The following COL12A1 variants were observed in gnomAD, a reference collection of about 807,000 sequenced individuals.
The protein encoded by COL12A1 is collagen type XII alpha 1 chain, also known as collagen alpha-1(XII) chain.
A neutral mutation model predicts 349.7 loss-of-function variants in COL12A1; 114 were observed. That is an observed-to-expected ratio of 0.33 (90% CI 0.28 to 0.38). COL12A1 has a LOEUF of 0.38. Among genes scored for constraint, COL12A1 ranks in the 10% least tolerant of loss-of-function variants. COL12A1 has a pLI of 1.00. For synonymous variants in COL12A1, 1,369 were observed against 1,329.0 expected (o/e 1.03, Z -0.66); for missense variants, 3,284 against 3,756.9 (o/e 0.87, Z 3.29).
chr6:75,165,854 G>A, intron 13 of COL12A1, 75 bp from the exon 14 acceptor site: 2 of 1,414,388 alleles, frequency 1.4e-6, no homozygotes, highest in Non-Finnish European at 1.9e-6. Flanking sequence ...CATTGATCCT[G>A]GTAGAGATTC....
intron 50 of COL12A1, 119 bp from the exon 51 acceptor site, chr6:75,113,432 T>C (rs1429655053): frequency 2.1e-6 from 2 of 939,088 alleles, no homozygotes; most frequent in Non-Finnish European, 3.0e-6. Flanking sequence ...TCAGTTATGA[T>C]AAAATGCAAT....
chr6:75,181,364 C>T (rs1054423930), intron 10 of COL12A1, among the ~76,000 whole-genome samples, 153 bp from the exon 11 acceptor site: 2 of 152,114 alleles, frequency 1.3e-5, no homozygotes, highest in African/African-American at 4.8e-5. Flanking sequence ...TACATTTGAC[C>T]ATTGAGAGAA....
chr6:75,162,446 T>C (rs1450911010), intron 14 of COL12A1, among the ~76,000 whole-genome samples: 3 of 152,218 alleles, frequency 2.0e-5, no homozygotes, highest in African/African-American at 7.2e-5. Context: ...TTGGGAAAAC[T>C]GGCTAGCCAT....
intron 54 of COL12A1, among the ~76,000 whole-genome samples, chr6:75,104,678 C>G (rs77273819): frequency 8.4e-4 from 128 of 152,316 alleles, no homozygotes; most frequent in Non-Finnish European, 1.5e-3. Context: ...TCCCTCCCAA[C>G]CAATGCATAA....
intron 38 of COL12A1, among the ~76,000 whole-genome samples, chr6:75,127,783 G>A (rs188194155): frequency 6.6e-6 from 1 of 152,108 alleles, no homozygotes; most frequent in African/African-American, 2.4e-5. Context: ...GTAAAAATGG[G>A]TCTGAACATT....
At chr6:75,116,981 A>G (rs1191033916) in intron 47 of COL12A1, among the ~76,000 whole-genome samples, 10 of 152,250 alleles carry the variant, frequency 6.6e-5, no homozygotes, top group East Asian at 3.9e-4. Context: ...CTGAGGAACC[A>G]TTTTTCTTCA....
chr6:75,101,503 ACCAG>A (rs1313245197), intron 58 of COL12A1, 93 bp downstream of exon 58: 3 of 1,187,472 alleles, frequency 2.5e-6, no homozygotes, highest in Middle Eastern at 4.0e-4. Context: ...AAGATATATT[ACCAG>A]CCTTGCAAAC....
At position 75,123,318 on chromosome 6, in the gene COL12A1, A is replaced by C. The variant is rs1350228086; in HGVS notation, c.6946+12T>G. 4 of 1,606,028 alleles carry C rather than the reference A, an allele frequency of 2.5e-6. No individual in the cohort carries two copies. The highest frequency in any genetic ancestry group is 1.7e-6 in the Non-Finnish European group (2 of 1,175,492). On this transcript the variant is annotated intron_variant, in intron 43 of 65. Coordinates refer to ENST00000322507, the MANE Select transcript of COL12A1 (RefSeq NM_004370.6). ...TATCAGCTGAACGTATTGCCTATTTAGCTGTACTTACCATCCCGGGCTGGT... is the reference window on the plus strand; with the variant it reads ...TATCAGCTGAACGTATTGCCTATTTCGCTGTACTTACCATCCCGGGCTGGT...
At chr6:75,186,760 A>G (rs1369254331) in intron 8 of COL12A1, among the ~76,000 whole-genome samples, 1 of 152,218 alleles carries the variant, frequency 6.6e-6, no homozygotes, top group Non-Finnish European at 1.5e-5. Context: ...AATGTGGTAC[A>G]TATATACCAT....
At chr6:75,140,847 A>G (rs1159523387) in intron 27 of COL12A1, among the ~76,000 whole-genome samples, 1 of 152,040 alleles carries the variant, frequency 6.6e-6, no homozygotes, top group African/African-American at 2.4e-5. Flanking sequence ...CAAGTTGCTT[A>G]AATTTCTAGA....
Position 75,085,045 on chromosome 6 carries a change from G to C in COL12A1, c.*1502C>G. 1 of 331,556 alleles carries C rather than the reference G, an allele frequency of 3.0e-6. No homozygotes were observed. The highest frequency in any genetic ancestry group is 6.1e-6 in the Non-Finnish European group (1 of 164,270). 20.5% of individuals were successfully genotyped at this position (331,556 alleles called of 1,614,324 possible). ...GGAGCTAGGCTTCCTGCAGAAACAA[G>C]GTTCTCTACAATCAGAAAGGGTACT... On this transcript the variant is annotated 3_prime_UTR_variant, in exon 66 of 66. Transcript: ENST00000322507.
At chr6:75,110,157 A>G (rs1768762574) in intron 51 of COL12A1, among the ~76,000 whole-genome samples, 1 of 152,088 alleles carries the variant, frequency 6.6e-6, no homozygotes, top group Non-Finnish European at 1.5e-5. Context: ...TGCCCCCAGG[A>G]CAATCAACTA....
At chr6:75,183,707 T>G (rs1254891757) in intron 9 of COL12A1, 55 bp from the exon 10 acceptor site, 2 of 1,542,642 alleles carry the variant, frequency 1.3e-6, no homozygotes, top group African/African-American at 2.8e-5. Context: ...CATTAAAATA[T>G]ACATATCTAG....
chr6:75,183,732 G>T, intron 9 of COL12A1, 80 bp from the exon 10 acceptor site: 1 of 1,428,934 alleles, frequency 7.0e-7, no homozygotes, highest in South Asian at 1.4e-5. Context: ...CTTAGTAAGC[G>T]TGCTTCTTTA....
Position 75,090,288 on chromosome 6 carries a change from G to C in COL12A1, c.8763C>G (p.Asn2921Lys). The change falls in exon 63 of 66, where the codon AAC becomes AAG. Residue 2921 changes from asparagine (N) to lysine (K), a missense_variant. Around this residue, in one of 2 missense-constraint regions of COL12A1, gnomAD observed 683 missense variants for 932.1 expected, o/e 0.73. Transcript: ENST00000322507. The surrounding 1 kb of genome is among the most constrained non-coding windows in gnomAD (Gnocchi z 4.1). ...VCEQLISGQM[N>K]RFNQMLNQIP... ...TCTGATTCAGCATCTGATTGAATCTGTTCATCTGACCTACAAGCAGAAATA... is the reference window on the plus strand; with the variant it reads ...TCTGATTCAGCATCTGATTGAATCTCTTCATCTGACCTACAAGCAGAAATA... 1.2e-6 allele frequency: 2 copies of C among 1,606,158 alleles called. No homozygotes were observed. Among genetic ancestry groups the C allele is most frequent in the South Asian group, 2.2e-5 (2 of 90,766 alleles).
At chr6:75,113,347 T>C in intron 50 of COL12A1, 34 bp from the exon 51 acceptor site, 2 of 1,292,782 alleles carry the variant, frequency 1.5e-6, no homozygotes, top group African/African-American at 1.5e-5. Context: ...TTAAATCATA[T>C]GCATTGTATA....
At chr6:75,088,473 TAGGAAGGG>T (rs1767607059) in intron 64 of COL12A1, among the ~76,000 whole-genome samples, 1 of 120,958 alleles carries the variant, frequency 8.3e-6, no homozygotes. Context: ...AAAAAACAAA[TAGGAAGGG>T]AGGAAGGAAG....
Position 75,155,683 on chromosome 6 carries a change from G to C in COL12A1, c.3422C>G (p.Thr1141Arg). The change falls in exon 16 of 66, where the codon ACA (threonine) becomes AGA (arginine). Residue 1141 changes from threonine to arginine, a missense_variant. Around this residue, in one of 2 missense-constraint regions of COL12A1, gnomAD observed 2,601 missense variants for 2,824.8 expected, o/e 0.92. Transcript: ENST00000322507. ...GELVVGPYDN[T>R]VVLEELRAGT... ...CTACCTAAGTTCCTCCAAAACAACT[G>C]TGTTGTCATAGGGTCCAACCACTAA... The C allele has an allele frequency of 6.2e-7, 1 of 1,607,012 alleles. No individual in the cohort carries two copies. The highest frequency in any genetic ancestry group is 8.5e-7 in the Non-Finnish European group (1 of 1,177,740).
chr6:75,098,851 C>T (rs899253444), intron 58 of COL12A1, among the ~76,000 whole-genome samples: 3 of 152,164 alleles, frequency 2.0e-5, no homozygotes, highest in Non-Finnish European at 2.9e-5. Flanking sequence ...ATCTCTGGCT[C>T]GTGCGCCCAC....
Sources: gnomAD v4.1 joint callset for allele counts (sites outside exome capture counted in the v4.1 genomes callset) on GRCh38, gnomAD v4.1.1 for gene constraint, gnomAD v4.1.1 regional missense constraint, Gnocchi (gnomAD v3.1) non-coding constraint, MANE v1.5 for transcripts, NCBI Gene and HGNC (gene_info 2026-07-23, HGNC 2026-07-21) for gene names.